Variants in SVOPL observed in about 807,000 individuals in gnomAD.
The protein encoded by SVOPL is SVOP like, also known as putative transporter SVOPL.
A neutral mutation model predicts 61.0 loss-of-function variants in SVOPL; 60 were observed. The observed-to-expected ratio is 0.98, with a 90% confidence interval of 0.80 to 1.22. The LOEUF is 1.22. SVOPL is among the 50% of genes most tolerant of loss of function. The pLI, the probability that SVOPL is intolerant of heterozygous loss-of-function variation, is 0.00. For missense variants in SVOPL, 662 were observed against 643.9 expected, an observed-to-expected ratio of 1.03 and a Z score of -0.30; for synonymous variants, 279 against 250.0, an observed-to-expected ratio of 1.12 and a Z score of -1.09.
At chr7:138,633,331 G>A (rs1195989238) in intron 9 of SVOPL, among the ~76,000 whole-genome samples, 1 of 152,148 alleles carries the variant, frequency 6.6e-6, no homozygotes, top group Non-Finnish European at 1.5e-5. Flanking sequence ...GAGGTGTTTG[G>A]GTCGTGGGGG....
At chr7:138,648,976 GGA>G (rs1224585958) in intron 8 of SVOPL, 34 bp downstream of exon 8, 11 of 1,612,602 alleles carry the variant, frequency 6.8e-6, no homozygotes, top group Non-Finnish European at 9.3e-6. Flanking sequence ...ACCAGCAGGA[GGA>G]GGGGACAGGA....
chr7:138,614,080 A>G (rs1198905977), intron 14 of SVOPL, among the ~76,000 whole-genome samples: 1 of 152,228 alleles, frequency 6.6e-6, no homozygotes, highest in Non-Finnish European at 1.5e-5. Context: ...GGATAAAATA[A>G]TTCTTGATTC....
rs10239745 is a variant in SVOPL at position 138,634,426 on chromosome 7, T to C, written c.790-4304A>G. Among the ~76,000 whole-genome samples the C allele has an allele frequency of 9.8e-3, 1,487 of 150,978 alleles. 27 individuals are homozygous for C. The highest frequency in any genetic ancestry group is 0.034 in the African/African-American group (1,403 of 41,060). The stretch of plus-strand genomic sequence containing the variant: ...GGGAGGCCAAGGTGGAAGGATCACC[T>C]GGGGCCAGAAATTTAAGACCAGCCT... On this transcript the variant is annotated intron_variant, in intron 9 of 15. Coordinates refer to ENST00000674285, the MANE Select transcript of SVOPL (RefSeq NM_001139456.2).
At chr7:138,614,614 T>C (rs1314557882) in intron 14 of SVOPL, among the ~76,000 whole-genome samples, 1 of 152,074 alleles carries the variant, frequency 6.6e-6, no homozygotes, top group Non-Finnish European at 1.5e-5. Flanking sequence ...CAGGCTGGTC[T>C]TGAACTCCTG....
At chr7:138,681,923 T>C (rs992766404) in intron 1 of SVOPL, among the ~76,000 whole-genome samples, 3 of 152,128 alleles carry the variant, frequency 2.0e-5, no homozygotes, top group African/African-American at 7.2e-5. Flanking sequence ...TTGAAACACA[T>C]TGAAGATGTT....
At chr7:138,654,757 AAGGCTG>A (rs1801627252) in intron 7 of SVOPL, among the ~76,000 whole-genome samples, 1 of 151,922 alleles carries the variant, frequency 6.6e-6, no homozygotes, top group Admixed American at 6.6e-5. Flanking sequence ...AACACTTTGG[AAGGCTG>A]AGGCAGGAGA....
intron 1 of SVOPL, among the ~76,000 whole-genome samples, chr7:138,696,333 T>G (rs544863782): frequency 6.6e-6 from 1 of 152,166 alleles, no homozygotes. Context: ...TGGGCTCAAC[T>G]GATCCTCTGG....
chr7:138,627,529 A>AATATGCCAG, intron 11 of SVOPL, 68 bp from the exon 12 acceptor site: 1 of 1,164,126 alleles, frequency 8.6e-7, no homozygotes, highest in Non-Finnish European at 1.3e-6. Context: ...CAACACTGGC[A>AATATGCCAG]TGGATTCATC....
chr7:138,652,631 T>C (rs1337190830), intron 7 of SVOPL, among the ~76,000 whole-genome samples: 1 of 150,836 alleles, frequency 6.6e-6, no homozygotes, highest in Non-Finnish European at 1.5e-5. Flanking sequence ...TTTTTTTCTT[T>C]TGAGATGGCA....
At chr7:138,611,827 G>T (rs1339077626) in intron 14 of SVOPL, among the ~76,000 whole-genome samples, 3 of 46,524 alleles carry the variant, frequency 6.4e-5, no homozygotes, top group Non-Finnish European at 9.0e-5. Flanking sequence ...CCTCCCAGCC[G>T]CCTGCCTTGG....
intron 1 of SVOPL, among the ~76,000 whole-genome samples, chr7:138,695,965 A>G (rs748980195): frequency 2.0e-5 from 3 of 151,908 alleles, no homozygotes; most frequent in Admixed American, 1.3e-4. Flanking sequence ...TATTTTTAGT[A>G]GAGACAGGGT....
intron 1 of SVOPL, among the ~76,000 whole-genome samples, chr7:138,684,378 A>G (rs1349959991): frequency 6.6e-6 from 1 of 151,786 alleles, no homozygotes; most frequent in East Asian, 1.9e-4. Flanking sequence ...AAAAAAAAAA[A>G]AGGAAAAAGG....
At chr7:138,629,178 G>A (rs1204021203) in intron 10 of SVOPL, among the ~76,000 whole-genome samples, 1 of 140,004 alleles carries the variant, frequency 7.1e-6, no homozygotes, top group Non-Finnish European at 1.5e-5. Flanking sequence ...TAATTTGCTG[G>A]AAATATACAT....
chr7:138,626,040 T>C lies in SVOPL; in HGVS notation c.1192A>G (p.Ile398Val), dbSNP rs766668290. Residue 398 changes from isoleucine to valine, a missense_variant, in exon 13 of 16, where the codon ATT becomes GTT. Transcript: ENST00000674285. ...LNICTSSAGLIGFLFMLRALV... is the reference protein window; with the variant it reads ...LNICTSSAGLVGFLFMLRALV... ...GCCCTCAGCATGAAGAGGAAGCCAATCAGGCCGGCACTAGAAAACAGGAAG... is the reference window on the plus strand; with the variant it reads ...GCCCTCAGCATGAAGAGGAAGCCAACCAGGCCGGCACTAGAAAACAGGAAG... 6.2e-6 allele frequency: 10 copies of C among 1,613,850 alleles called. No individual in the cohort carries two copies. In the South Asian group the frequency reaches 9.9e-5, roughly 16 times the overall value.
intron 1 of SVOPL, among the ~76,000 whole-genome samples, chr7:138,695,687 G>A (rs979478001): frequency 1.3e-5 from 2 of 151,982 alleles, no homozygotes; most frequent in Non-Finnish European, 2.9e-5. Flanking sequence ...AAGAGAAAAA[G>A]GGTGACGTTA....
At chr7:138,624,725 T>C (rs1223735966) in intron 13 of SVOPL, among the ~76,000 whole-genome samples, 2 of 150,566 alleles carry the variant, frequency 1.3e-5, no homozygotes, top group Non-Finnish European at 3.0e-5. Flanking sequence ...AGAGACATGG[T>C]CTTACTTTGC....
intron 7 of SVOPL, 52 bp from the exon 8 acceptor site, chr7:138,649,189 A>C: frequency 7.5e-5 from 4 of 53,004 alleles, no homozygotes; most frequent in Non-Finnish European, 1.4e-4. Flanking sequence ...TATGACAATG[A>C]AAAAAAAAAA....
At chr7:138,682,978 A>G in intron 1 of SVOPL, among the ~76,000 whole-genome samples, 1 of 150,734 alleles carries the variant, frequency 6.6e-6, no homozygotes, top group Non-Finnish European at 1.5e-5. Flanking sequence ...CAAAAAAAAA[A>G]AAAAGAAAAA....
intron 14 of SVOPL, among the ~76,000 whole-genome samples, chr7:138,606,701 C>T (rs1798772884): frequency 6.6e-6 from 1 of 152,184 alleles, no homozygotes; most frequent in Admixed American, 6.5e-5. Context: ...CACCTGTAAT[C>T]CCAGCACTTT....
Sources: gnomAD v4.1 joint callset for allele counts (sites outside exome capture counted in the v4.1 genomes callset) on GRCh38, gnomAD v4.1.1 for gene constraint, MANE v1.5 for transcripts, NCBI Gene and HGNC (gene_info 2026-07-23, HGNC 2026-07-21) for gene names.